CYYR1: variants seen among roughly 807,000 people sequenced by gnomAD.
The protein encoded by CYYR1 is cysteine and tyrosine-rich protein 1.
Under a neutral mutation model 15.2 loss-of-function variants are expected in CYYR1, and 14 were observed. The ratio of observed to expected loss-of-function variants is 0.92; its 90% CI spans 0.61 to 1.44. The LOEUF is 1.44. Among genes scored for constraint, CYYR1 ranks in the 40% most tolerant of loss-of-function variants. CYYR1 has a pLI of 0.00. For synonymous variants in CYYR1, 80 were observed against 77.4 expected, an observed-to-expected ratio of 1.03 and a Z score of -0.18; for missense variants, 228 against 209.5, an observed-to-expected ratio of 1.09 and a Z score of -0.54.
chr21:26,536,686 T>A (rs1255816188), intron 2 of CYYR1, among the ~76,000 whole-genome samples: 1 of 152,174 alleles, frequency 6.6e-6, no homozygotes, highest in Non-Finnish European at 1.5e-5. Flanking sequence ...TTTATAACAC[T>A]AGCAGCCCTG....
intron 2 of CYYR1, among the ~76,000 whole-genome samples, chr21:26,534,371 T>C (rs17625811): frequency 0.046 from 6,985 of 152,246 alleles, 187 homozygotes; most frequent in Non-Finnish European, 0.048. Context: ...ATCTCTATTA[T>C]GTGTTAATGT....
At chr21:26,531,188 C>T (rs919374465) in intron 2 of CYYR1, among the ~76,000 whole-genome samples, 5 of 152,152 alleles carry the variant, frequency 3.3e-5, no homozygotes, top group East Asian at 3.9e-4. Context: ...GACACCTCGT[C>T]GGATTGGTTT....
intron 2 of CYYR1, among the ~76,000 whole-genome samples, chr21:26,544,786 T>G (rs920698968): frequency 7.2e-5 from 11 of 152,058 alleles, no homozygotes; most frequent in Non-Finnish European, 1.5e-4. Context: ...TGGGTTTAAA[T>G]ATTTAAATAA....
intron 2 of CYYR1, among the ~76,000 whole-genome samples, chr21:26,529,462 C>T (rs1601796314): frequency 6.6e-6 from 1 of 152,196 alleles, no homozygotes; most frequent in African/African-American, 2.4e-5. Flanking sequence ...CAGGTAACCA[C>T]AATTTTATAT....
intron 2 of CYYR1, among the ~76,000 whole-genome samples, chr21:26,542,275 A>ATGTGTG (rs1425715642): frequency 1.8e-5 from 1 of 56,988 alleles, no homozygotes. Context: ...GAGAGAGAGA[A>ATGTGTG]TATGTGTGTG....
At chr21:26,569,573 A>G (rs960337004) in intron 1 of CYYR1, among the ~76,000 whole-genome samples, 7 of 152,140 alleles carry the variant, frequency 4.6e-5, no homozygotes, top group African/African-American at 1.4e-4. Context: ...CTGCACATGT[A>G]CTCCCTGAGT....
chr21:26,511,987 T>TACACACACACACAC lies in CYYR1; in HGVS notation c.177-31572_177-31559dup, dbSNP rs61382991. Among the ~76,000 whole-genome samples the TACACACACACACAC allele has an allele frequency of 1.8e-3, 260 of 148,222 alleles. 2 individuals carry two copies. The highest frequency in any genetic ancestry group is 5.4e-3 in the African/African-American group (221 of 40,592). Reference sequence around the variant, plus strand: ...AGAAATATGTCAACAATATCACACATACACACACACACACACACACACACA... The same window carrying TACACACACACACAC: ...AGAAATATGTCAACAATATCACACATACACACACACACACACACACACACACACACACACACACA... On this transcript the variant is annotated intron_variant, in intron 2 of 3. Coordinates refer to ENST00000652641, the MANE Select transcript of CYYR1 (RefSeq NM_001320768.2).
chr21:26,520,635 G>A (rs1460542544), intron 2 of CYYR1, among the ~76,000 whole-genome samples: 1 of 152,146 alleles, frequency 6.6e-6, no homozygotes, highest in Non-Finnish European at 1.5e-5. Flanking sequence ...TCTGGTTCTA[G>A]ATCCTTGAGG....
chr21:26,492,290 G>A (rs1485838156), intron 2 of CYYR1, among the ~76,000 whole-genome samples: 1 of 152,160 alleles, frequency 6.6e-6, no homozygotes, highest in Admixed American at 6.6e-5. Context: ...TTGGCGTTGG[G>A]AACCTACCTT....
At chr21:26,536,785 T>A (rs192124709) in intron 2 of CYYR1, among the ~76,000 whole-genome samples, 1 of 152,164 alleles carries the variant, frequency 6.6e-6, no homozygotes, top group African/African-American at 2.4e-5. Context: ...TTTCATCTGT[T>A]CCTTGATCTT....
chr21:26,546,092 G>T (rs573546521), intron 2 of CYYR1, among the ~76,000 whole-genome samples: 1 of 152,256 alleles, frequency 6.6e-6, no homozygotes, highest in South Asian at 2.1e-4. Flanking sequence ...TCCAAACAGA[G>T]AAGAGAAAGA....
chr21:26,517,604 G>A (rs2065749486), intron 2 of CYYR1, among the ~76,000 whole-genome samples: 3 of 152,152 alleles, frequency 2.0e-5, no homozygotes, highest in African/African-American at 7.2e-5. Flanking sequence ...TGTCCAGGCT[G>A]GAGTGCAGTG....
chr21:26,525,553 A>G (rs2065853389), intron 2 of CYYR1, among the ~76,000 whole-genome samples: 1 of 152,192 alleles, frequency 6.6e-6, no homozygotes, highest in South Asian at 2.1e-4. Flanking sequence ...TTTTTGGCCC[A>G]TGAAGATATT....
chr21:26,505,823 T>C, intron 2 of CYYR1, among the ~76,000 whole-genome samples: 1 of 152,218 alleles, frequency 6.6e-6, no homozygotes, highest in East Asian at 1.9e-4. Context: ...AGGTTTTTAA[T>C]GCTTTTCGTA....
chr21:26,501,810 C>T (rs1190907812), intron 2 of CYYR1, among the ~76,000 whole-genome samples: 2 of 152,090 alleles, frequency 1.3e-5, no homozygotes, highest in Non-Finnish European at 2.9e-5. Flanking sequence ...GAATTAATGA[C>T]AGCCTGCAAA....
intron 2 of CYYR1, among the ~76,000 whole-genome samples, chr21:26,521,864 G>A (rs2065807545): frequency 6.6e-6 from 1 of 152,190 alleles, no homozygotes; most frequent in Admixed American, 6.5e-5. Flanking sequence ...ATCAGTCAAA[G>A]GTAGTATTTT....
In CYYR1 at chr21:26,480,393, T is replaced by C; in HGVS notation, c.213A>G (p.Val71=). The C allele has an allele frequency of 1.2e-6, 2 of 1,613,112 alleles. No individual in the cohort carries two copies. The highest frequency in any genetic ancestry group is 1.7e-6 in the Non-Finnish European group (2 of 1,179,548). Residue 71 remains valine (V), a synonymous_variant, in exon 3 of 4, where the codon GTA becomes GTG. Coordinates refer to ENST00000652641, the MANE Select transcript of CYYR1 (RefSeq NM_001320768.2). The part of the protein sequence containing the change: ...TAIAGIVFGI[V]FIMGVIAGIA... ...TCCCAGCAATGACCCCCATGATAAA[T>C]ACTATTCCAAAAACAATGCCCGCAA...
intron 2 of CYYR1, among the ~76,000 whole-genome samples, chr21:26,508,823 G>C (rs1172966773): frequency 6.6e-6 from 1 of 152,132 alleles, no homozygotes; most frequent in African/African-American, 2.4e-5. Flanking sequence ...CAAATCAGAG[G>C]ATTGCAGCTT....
At chr21:26,499,141 A>G (rs1393575642) in intron 2 of CYYR1, among the ~76,000 whole-genome samples, 2 of 152,218 alleles carry the variant, frequency 1.3e-5, no homozygotes, top group Non-Finnish European at 2.9e-5. Flanking sequence ...AGATATGTCC[A>G]TGTTCTAATT....
Sources: allele counts gnomAD v4.1 joint callset (sites outside exome capture counted in the v4.1 genomes callset), GRCh38; gene constraint gnomAD v4.1.1; transcripts MANE v1.5; gene names NCBI Gene and HGNC (gene_info 2026-07-23, HGNC 2026-07-21).